The following CYP2C19 variants were observed in gnomAD, a reference collection of about 807,000 sequenced individuals.
CYP2C19 encodes cytochrome P450 2C19.
In CYP2C19, 59 loss-of-function variants were observed where a neutral mutation model predicts 40.9. The ratio of observed to expected loss-of-function variants is 1.44; its 90% CI spans 1.17 to 1.79. The LOEUF (loss-of-function observed/expected upper bound fraction) is 1.79, where lower values mean the gene tolerates loss of function less well. Among genes scored for constraint, CYP2C19 ranks in the 40% most tolerant of loss-of-function variants. CYP2C19 has a pLI of 0.00. For synonymous variants in CYP2C19, 253 were observed against 208.7 expected, an observed-to-expected ratio of 1.21 and a Z score of -1.83; for missense variants, 754 against 596.9, an observed-to-expected ratio of 1.26 and a Z score of -2.74.
At chr10:94,820,379 G>C in intron 5 of CYP2C19, 117 bp from the exon 6 acceptor site, 1 of 1,195,700 alleles carries the variant, frequency 8.4e-7, no homozygotes, top group East Asian at 2.5e-5. Context: ...TTTTTTTCTA[G>C]TACTATACTT....
In CYP2C19 at chr10:94,811,759, G is replaced by A. The variant is rs190038082; in HGVS notation, c.820-8737G>A. Among the ~76,000 whole-genome samples, 474 of 151,828 alleles carry A rather than the reference G, an allele frequency of 3.1e-3. 3 individuals carry two copies. The highest frequency in any genetic ancestry group is 0.011 in the African/African-American group (451 of 41,434). ...ATATTCCTCCATCCCTTTATTTTGA[G>A]CCTATGTGTGTCTTTTCACGTGAGA... On this transcript the variant is annotated intron_variant, in intron 5 of 8. Coordinates refer to ENST00000371321, the MANE Select transcript of CYP2C19 (RefSeq NM_000769.4).
At chr10:94,800,832 G>T (rs1189449965) in intron 5 of CYP2C19, among the ~76,000 whole-genome samples, 1 of 152,210 alleles carries the variant, frequency 6.6e-6, no homozygotes, top group African/African-American at 2.4e-5. Context: ...AGCCAGGCAC[G>T]GGAGAGAATC....
chr10:94,810,299 G>A (rs568695739), intron 5 of CYP2C19, among the ~76,000 whole-genome samples: 55 of 152,252 alleles, frequency 3.6e-4, no homozygotes, highest in Admixed American at 2.2e-3. Context: ...ATTTTGTTGA[G>A]GATTTTCGCA....
intron 5 of CYP2C19, among the ~76,000 whole-genome samples, chr10:94,796,303 G>A (rs573440358): frequency 4.2e-4 from 64 of 152,230 alleles, no homozygotes; most frequent in Non-Finnish European, 8.5e-4. Context: ...AGATCAGATA[G>A]TTGTAGATGT....
In CYP2C19 at chr10:94,833,267, T is replaced by C. The variant is rs75105257; in HGVS notation, c.962-9570T>C. Among the ~76,000 whole-genome samples, 1,166 of 152,338 alleles carry C rather than the reference T, an allele frequency of 7.7e-3. 53 individuals are homozygous for C. Among genetic ancestry groups the C allele is most frequent in the Admixed American group, 0.061 (939 of 15,294 alleles). The stretch of plus-strand genomic sequence containing the variant: ...GCCTTTATATCTTTCTCTTGCCTGA[T>C]TGCTCTTGCTAGGTCATCTAGTAGT... On this transcript the variant is annotated intron_variant, in intron 6 of 8. Coordinates refer to ENST00000371321, the MANE Select transcript of CYP2C19 (RefSeq NM_000769.4).
At position 94,774,583 on chromosome 10, in the gene CYP2C19, A is replaced by T. The variant is rs573414411; in HGVS notation, c.169-475A>T. Reference sequence around the variant, plus strand: ...GCTTTTACTATAAATGCTATGATGCATGCTAATCATAAAAGACTGTTGGAC... The same window carrying T: ...GCTTTTACTATAAATGCTATGATGCTTGCTAATCATAAAAGACTGTTGGAC... On this transcript the variant is annotated intron_variant, in intron 1 of 8. Transcript: ENST00000371321. The T allele has an allele frequency of 1.1e-4, 19 of 176,990 alleles. No homozygotes were observed. The South Asian group carries it at 1.8e-3, about 16-fold the overall frequency. 11.0% of individuals were successfully genotyped at this position (176,990 alleles called of 1,614,324 possible). A position where few individuals can be genotyped will look rare whatever the true frequency, so the allele number is the denominator to read the frequency against.
intron 6 of CYP2C19, among the ~76,000 whole-genome samples, chr10:94,832,171 A>G (rs925226235): frequency 1.3e-5 from 2 of 152,168 alleles, no homozygotes; most frequent in Non-Finnish European, 2.9e-5. Context: ...TCTTTCCCCC[A>G]GTGTACGTTC....
In CYP2C19 at chr10:94,817,921, G is replaced by C. The variant is rs1343968602; in HGVS notation, c.820-2575G>C. Among the ~76,000 whole-genome samples, 4 of 149,474 alleles carry C rather than the reference G, an allele frequency of 2.7e-5. No individual in the cohort carries two copies. In the South Asian group the frequency reaches 6.3e-4, roughly 24 times the overall value. ...CCAGCTACTTGGGAGGCTGAGGCAG[G>C]AGAATGGCGTGAACCCGGGAGGCGG... On this transcript the variant is annotated intron_variant, in intron 5 of 8. Coordinates refer to ENST00000371321, the MANE Select transcript of CYP2C19 (RefSeq NM_000769.4).
At chr10:94,786,416 CT>C (rs1848541545) in intron 5 of CYP2C19, among the ~76,000 whole-genome samples, 1 of 151,976 alleles carries the variant, frequency 6.6e-6, no homozygotes, top group Non-Finnish European at 1.5e-5. Context: ...CTTTTTTCCT[CT>C]TTTGCAAGGG....
intron 5 of CYP2C19, among the ~76,000 whole-genome samples, chr10:94,810,608 G>A (rs1848906002): frequency 6.6e-6 from 1 of 152,070 alleles, no homozygotes; most frequent in Non-Finnish European, 1.5e-5. Flanking sequence ...TCCTGGTTTG[G>A]TCTTGGGAGG....
At chr10:94,807,938 T>C (rs1019207831) in intron 5 of CYP2C19, among the ~76,000 whole-genome samples, 1 of 152,142 alleles carries the variant, frequency 6.6e-6, no homozygotes, top group African/African-American at 2.4e-5. Context: ...TTTGAAGTTT[T>C]ATCCATTGCC....
At chr10:94,767,395 A>G (rs1848260659) in intron 1 of CYP2C19, among the ~76,000 whole-genome samples, 2 of 152,198 alleles carry the variant, frequency 1.3e-5, no homozygotes. Flanking sequence ...TCTAGGAATT[A>G]TTTCATGAAT....
chr10:94,848,480 GC>G (rs1485139515), intron 7 of CYP2C19, among the ~76,000 whole-genome samples: 1 of 152,146 alleles, frequency 6.6e-6, no homozygotes, highest in Non-Finnish European at 1.5e-5. Flanking sequence ...GGTTACTGTA[GC>G]CTTGTAGTAT....
At chr10:94,783,935 C>T (rs966882906) in intron 5 of CYP2C19, among the ~76,000 whole-genome samples, 4 of 152,154 alleles carry the variant, frequency 2.6e-5, no homozygotes, top group African/African-American at 7.2e-5. Context: ...ATACAATTAA[C>T]CAGTTTAAAG....
At chr10:94,808,404 T>C (rs1266953099) in intron 5 of CYP2C19, among the ~76,000 whole-genome samples, 1 of 152,204 alleles carries the variant, frequency 6.6e-6, no homozygotes, top group Non-Finnish European at 1.5e-5. Context: ...TTATCTATCC[T>C]CTCAAGCATT....
intron 5 of CYP2C19, among the ~76,000 whole-genome samples, chr10:94,788,069 T>G (rs1848565125): frequency 6.6e-6 from 1 of 152,006 alleles, no homozygotes; most frequent in Admixed American, 6.6e-5. Flanking sequence ...GCTCTCCTTG[T>G]AGAGACCGTT....
At chr10:94,796,942 G>C (rs1258746138) in intron 5 of CYP2C19, among the ~76,000 whole-genome samples, 1 of 152,030 alleles carries the variant, frequency 6.6e-6, no homozygotes, top group Non-Finnish European at 1.5e-5. Flanking sequence ...TGCAAACAGG[G>C]ACAATTTGAC....
At chr10:94,822,096 C>T (rs1315072494) in intron 6 of CYP2C19, among the ~76,000 whole-genome samples, 2 of 152,134 alleles carry the variant, frequency 1.3e-5, no homozygotes, top group Non-Finnish European at 2.9e-5. Flanking sequence ...CCTGCTTCAT[C>T]TATAGTGCTG....
chr10:94,781,560 A>G (rs75669415), intron 4 of CYP2C19, among the ~76,000 whole-genome samples: 1 of 152,256 alleles, frequency 6.6e-6, no homozygotes, highest in African/African-American at 2.4e-5. Flanking sequence ...AAGAGAATTA[A>G]TATAAAGATG....
Sources: gnomAD v4.1 joint callset for allele counts (sites outside exome capture counted in the v4.1 genomes callset) on GRCh38, gnomAD v4.1.1 for gene constraint, MANE v1.5 for transcripts, NCBI Gene and HGNC (gene_info 2026-07-23, HGNC 2026-07-21) for gene names.